Variants in NCAM1 observed in about 807,000 individuals in gnomAD.
NCAM1 encodes the protein antigen recognized by monoclonal antibody 5.1H11.
In NCAM1, 14 loss-of-function variants were observed where a neutral mutation model predicts 109.8. That is an observed-to-expected ratio of 0.13 (90% CI 0.08 to 0.20). The LOEUF is 0.20. Among genes scored for constraint, NCAM1 ranks in the 10% least tolerant of loss-of-function variants. The pLI is 1.00. For missense variants in NCAM1, 774 were observed against 1,109.9 expected, an observed-to-expected ratio of 0.70 and a Z score of 4.30; for synonymous variants, 418 against 442.9, an observed-to-expected ratio of 0.94 and a Z score of 0.70.
Position 113,270,296 on chromosome 11 carries a change from A to G in NCAM1, c.2240A>G (p.Asn747Ser). 6.2e-7 allele frequency: 1 copy of G among 1,613,976 alleles called. No homozygotes were observed. The highest frequency in any genetic ancestry group is 1.1e-5 in the South Asian group (1 of 91,080). Reference sequence around the variant, plus strand: ...GTGGACATCACCTGCTACTTCCTGAACAAGTGTGGCCTGTTCATGTGCATT... The same window carrying G: ...GTGGACATCACCTGCTACTTCCTGAGCAAGTGTGGCCTGTTCATGTGCATT... Reference protein sequence around the residue: ...VVVDITCYFLNKCGLFMCIAV... With the variant: ...VVVDITCYFLSKCGLFMCIAV... Residue 747 changes from asparagine to serine, a missense_variant, in exon 18 of 20, where the codon AAC (asparagine) becomes AGC (serine). Transcript: ENST00000316851.
chr11:113,167,576 A>G (rs1291156072), intron 1 of NCAM1, among the ~76,000 whole-genome samples: 1 of 149,478 alleles, frequency 6.7e-6, no homozygotes, highest in Non-Finnish European at 1.5e-5. Flanking sequence ...CTTACTTAGC[A>G]TTCAGCAGTC....
At chr11:113,194,400 G>C (rs1321400785) in intron 1 of NCAM1, among the ~76,000 whole-genome samples, 1 of 152,156 alleles carries the variant, frequency 6.6e-6, no homozygotes, top group Non-Finnish European at 1.5e-5. Flanking sequence ...GGGGGCAGGG[G>C]TTAAGGAGAA....
intron 1 of NCAM1, among the ~76,000 whole-genome samples, chr11:113,071,693 G>A (rs563577950): frequency 1.8e-4 from 27 of 152,280 alleles, no homozygotes; most frequent in African/African-American, 6.5e-4. Context: ...CCAAAGTGCT[G>A]GGATTACAGG....
chr11:113,241,167 G>A (rs1258981513), intron 14 of NCAM1, among the ~76,000 whole-genome samples: 1 of 152,218 alleles, frequency 6.6e-6, no homozygotes, highest in African/African-American at 2.4e-5. Flanking sequence ...GAAGCCAAAG[G>A]AATTGACCAA....
rs551933912 is a variant in NCAM1, at chr11:112,962,398, G to T, written c.52+734G>T. Among the ~76,000 whole-genome samples the T allele has an allele frequency of 2.0e-4, 30 of 152,280 alleles. No individual in the cohort carries two copies. Among genetic ancestry groups the T allele is most frequent in the African/African-American group, 7.2e-4 (30 of 41,580 alleles). ...GCGTTTTGACAGGAGGAAGTGCGGA[G>T]GGGCGGAGGGCGAGGAGGGCGTGAT... On this transcript the variant is annotated intron_variant, in intron 1 of 19. Coordinates refer to ENST00000316851, the MANE Select transcript of NCAM1 (RefSeq NM_181351.5). This position sits in a 1 kb window ranked among gnomAD's most constrained non-coding sequence, Gnocchi z 5.6.
chr11:113,241,572 G>A lies in NCAM1; in HGVS notation c.1826-4796G>A, dbSNP rs139488851. ...AAGCCAGCAGTAATGTCAGCTGGTC[G>A]CTCTCAGATTTCATCATCCTGGCTA... On this transcript the variant is annotated intron_variant, in intron 14 of 19. Transcript: ENST00000316851. Among the ~76,000 whole-genome samples, 253 of 152,264 alleles carry A rather than the reference G, an allele frequency of 1.7e-3. 1 individual carries two copies. Among genetic ancestry groups the A allele is most frequent in the African/African-American group, 5.6e-3 (234 of 41,548 alleles).
intron 1 of NCAM1, among the ~76,000 whole-genome samples, chr11:113,086,894 AT>A (rs1156520309): frequency 1.3e-5 from 2 of 152,214 alleles, no homozygotes; most frequent in African/African-American, 4.8e-5. Flanking sequence ...AACAGGTTTT[AT>A]TTTTGATTAT....
At chr11:113,212,203 G>C (rs1565502888) in intron 7 of NCAM1, among the ~76,000 whole-genome samples, 1 of 152,138 alleles carries the variant, frequency 6.6e-6, no homozygotes, top group Admixed American at 6.5e-5. Flanking sequence ...TCACTGTCTT[G>C]TTCTAAGGTG....
intron 1 of NCAM1, among the ~76,000 whole-genome samples, chr11:113,050,041 G>A (rs191068747): frequency 6.6e-6 from 1 of 151,634 alleles, no homozygotes; most frequent in East Asian, 1.9e-4. Flanking sequence ...TGGCTGGTAT[G>A]GCTGTCTCAG....
chr11:113,168,303 T>A (rs1942876237), intron 1 of NCAM1, among the ~76,000 whole-genome samples: 1 of 152,162 alleles, frequency 6.6e-6, no homozygotes, highest in African/African-American at 2.4e-5. Flanking sequence ...TTTGTTTTTG[T>A]TTTTTTGCCC....
chr11:113,131,867 G>A (rs1236701772), intron 1 of NCAM1, among the ~76,000 whole-genome samples: 7 of 152,198 alleles, frequency 4.6e-5, no homozygotes, highest in Non-Finnish European at 1.0e-4. Flanking sequence ...GTCGGGAGAT[G>A]AGGAAATGAA....
intron 1 of NCAM1, among the ~76,000 whole-genome samples, chr11:113,122,563 C>T (rs1941011656): frequency 6.6e-6 from 1 of 152,170 alleles, no homozygotes; most frequent in African/African-American, 2.4e-5. Flanking sequence ...GCAGGCGGAT[C>T]ACCTGAGGTC....
At position 112,962,081 on chromosome 11, in the gene NCAM1, C is replaced by G. The variant is rs1393599947; in HGVS notation, c.52+417C>G. Among the ~76,000 whole-genome samples the G allele has an allele frequency of 6.6e-6, 1 of 152,146 alleles. No individual in the cohort carries two copies. Among genetic ancestry groups the G allele is most frequent in the African/African-American group, 2.4e-5 (1 of 41,438 alleles). ...GGCTCGGATTCCGAGGGGGAAGTGGCTTGTCAGCCCCGGCTCCGGGAAGAG... is the reference window on the plus strand; with the variant it reads ...GGCTCGGATTCCGAGGGGGAAGTGGGTTGTCAGCCCCGGCTCCGGGAAGAG... On this transcript the variant is annotated intron_variant, in intron 1 of 19. Transcript: ENST00000316851. This position sits in a 1 kb window ranked among gnomAD's most constrained non-coding sequence, Gnocchi z 5.6.
chr11:113,102,542 G>A (rs1299567727), intron 1 of NCAM1, among the ~76,000 whole-genome samples: 1 of 152,170 alleles, frequency 6.6e-6, no homozygotes, highest in Non-Finnish European at 1.5e-5. Context: ...TTGTCAGATT[G>A]GAAGCCACTA....
intron 1 of NCAM1, among the ~76,000 whole-genome samples, chr11:113,155,808 T>G (rs1942389659): frequency 6.6e-6 from 1 of 152,126 alleles, no homozygotes; most frequent in African/African-American, 2.4e-5. Context: ...CTGGCACATG[T>G]ATGTACTCTG....
intron 1 of NCAM1, among the ~76,000 whole-genome samples, chr11:113,169,571 G>A (rs1942923277): frequency 6.6e-6 from 1 of 151,296 alleles, no homozygotes; most frequent in Non-Finnish European, 1.5e-5. Context: ...CATGGGTCCT[G>A]GTAAGCTTGC....
intron 1 of NCAM1, among the ~76,000 whole-genome samples, chr11:113,181,615 A>G (rs961396206): frequency 9.2e-5 from 14 of 152,118 alleles, no homozygotes; most frequent in Non-Finnish European, 1.6e-4. Context: ...GCAAACCACC[A>G]TGGCGCATGT....
rs191738988 is a variant in NCAM1, at chr11:113,004,490, T to A, written c.52+42826T>A. Among the ~76,000 whole-genome samples, 205 of 144,104 alleles carry A rather than the reference T, an allele frequency of 1.4e-3. 2 individuals carry two copies. The highest frequency in any genetic ancestry group is 5.1e-3 in the African/African-American group (200 of 38,916). The allele number at this position is 144,104 out of a possible 152,430, so 94.5% of individuals were successfully genotyped here. On this transcript the variant is annotated intron_variant, in intron 1 of 19. Coordinates refer to ENST00000316851, the MANE Select transcript of NCAM1 (RefSeq NM_181351.5). Reference sequence around the variant, plus strand: ...CTGGGTGACAGAGCAAGATTTCATCTCAAAAAAAAAATTTTTTTTTTTTGC... The same window carrying A: ...CTGGGTGACAGAGCAAGATTTCATCACAAAAAAAAAATTTTTTTTTTTTGC...
chr11:113,234,257 CT>C (rs5794856), intron 13 of NCAM1, among the ~76,000 whole-genome samples: 41,632 of 140,808 alleles, frequency 0.3, 6,138 homozygotes, highest in East Asian at 0.52. Flanking sequence ...GTCCACCCGA[CT>C]TTTTTTTTTT....
Sources: gnomAD v4.1 joint callset for allele counts (sites outside exome capture counted in the v4.1 genomes callset) on GRCh38, gnomAD v4.1.1 for gene constraint, Gnocchi (gnomAD v3.1) non-coding constraint, MANE v1.5 for transcripts, NCBI Gene and HGNC (gene_info 2026-07-23, HGNC 2026-07-21) for gene names.